NFAT5: variants seen among roughly 807,000 people sequenced by gnomAD.
NFAT5 encodes nuclear factor of activated T-cells 5.
A neutral mutation model predicts 166.5 loss-of-function variants in NFAT5; 31 were observed. The observed-to-expected ratio is 0.19, with a 90% CI of 0.14 to 0.25. The LOEUF is 0.25. Ranked by LOEUF, NFAT5 falls within the 10% of genes least tolerant of loss-of-function variation. NFAT5 has a pLI of 1.00. For synonymous variants in NFAT5, 612 were observed against 639.7 expected, an observed-to-expected ratio of 0.96 and a Z score of 0.65; for missense variants, 1,449 against 1,821.8, an observed-to-expected ratio of 0.80 and a Z score of 3.72.
In NFAT5 at chr16:69,655,816, A is replaced by G; in HGVS notation, c.1196+17A>G. On this transcript the variant is annotated intron_variant, in intron 6 of 14. Transcript: ENST00000349945. ...GACACTGGCGTAAGTACTTAGTAAG[A>G]ATTTTTCATTATACATTACACTCTT... 1 of 1,600,142 alleles carries G rather than the reference A, an allele frequency of 6.2e-7. No individual in the cohort carries two copies. The highest frequency in any genetic ancestry group is 8.5e-7 in the Non-Finnish European group (1 of 1,170,756).
Position 69,697,110 on chromosome 16 carries a change from G to A in NFAT5, c.*759G>A, listed in dbSNP as rs757355549. ...AAGGGGATAATATATGATAAATTAT[G>A]TTCTGATATCCTCCTACAGTAGTTT... On this transcript the variant is annotated 3_prime_UTR_variant, in exon 15 of 15. Transcript: ENST00000349945. 8 of 152,562 alleles carry A rather than the reference G, an allele frequency of 5.2e-5. No homozygotes were observed. The highest frequency in any genetic ancestry group is 1.0e-4 in the Non-Finnish European group (7 of 68,014). 9.5% of individuals were successfully genotyped at this position (152,562 alleles called of 1,614,324 possible).
intron 3 of NFAT5, among the ~76,000 whole-genome samples, chr16:69,639,492 C>T (rs1409936304): frequency 6.6e-6 from 1 of 151,988 alleles, no homozygotes; most frequent in Non-Finnish European, 1.5e-5. Context: ...ATTTGATGAA[C>T]TGGAGAAGAA....
intron 9 of NFAT5, among the ~76,000 whole-genome samples, chr16:69,671,939 G>A (rs754089052): frequency 7.2e-5 from 11 of 152,270 alleles, no homozygotes; most frequent in Admixed American, 4.6e-4. Context: ...CTTCCACAAG[G>A]TTAGAATTGA....
At chr16:69,590,419 G>A (rs868440304) in intron 2 of NFAT5, among the ~76,000 whole-genome samples, 6 of 152,250 alleles carry the variant, frequency 3.9e-5, no homozygotes, top group South Asian at 4.1e-4. Flanking sequence ...GATTTTTTGC[G>A]TAAATGTGAT....
intron 2 of NFAT5, among the ~76,000 whole-genome samples, chr16:69,575,216 A>G (rs978565906): frequency 8.5e-5 from 13 of 152,118 alleles, no homozygotes; most frequent in African/African-American, 2.9e-4. Context: ...TGCTTAGGCT[A>G]GAGTGCAGTG....
chr16:69,594,882 C>G (rs1028522815), intron 2 of NFAT5, among the ~76,000 whole-genome samples: 7 of 152,090 alleles, frequency 4.6e-5, no homozygotes. Context: ...AGTCCAAGTC[C>G]CAAAGCTGAA....
chr16:69,667,924 C>T (rs1325741309), intron 7 of NFAT5, among the ~76,000 whole-genome samples: 1 of 151,954 alleles, frequency 6.6e-6, no homozygotes, highest in Non-Finnish European at 1.5e-5. Context: ...ACACATTTAC[C>T]CTATAGGTTC....
intron 2 of NFAT5, among the ~76,000 whole-genome samples, chr16:69,614,939 C>T (rs950150031): frequency 1.8e-4 from 26 of 144,074 alleles, no homozygotes; most frequent in Non-Finnish European, 2.8e-4. Flanking sequence ...TACAGTGGTA[C>T]GATCTTGGCT....
chr16:69,593,477 ATTTTTTTTTT>A, intron 2 of NFAT5, among the ~76,000 whole-genome samples: 1 of 145,776 alleles, frequency 6.9e-6, no homozygotes, highest in South Asian at 2.2e-4. Flanking sequence ...GGCCCAGCTA[ATTTTTTTTTT>A]TTTTTTAACT....
chr16:69,696,164 T>C (rs1353128885), intron 14 of NFAT5, among the ~76,000 whole-genome samples, 196 bp from the exon 15 acceptor site: 4 of 152,236 alleles, frequency 2.6e-5, no homozygotes, highest in African/African-American at 9.6e-5. Flanking sequence ...CTTTGTACTA[T>C]ATATTGGATA....
chr16:69,681,842 C>T (rs909129492), intron 10 of NFAT5, among the ~76,000 whole-genome samples: 3 of 150,276 alleles, frequency 2.0e-5, no homozygotes, highest in Non-Finnish European at 4.4e-5. Context: ...GGCATGAACC[C>T]GGGAGGCAGA....
chr16:69,633,417 A>T (rs1033099113), intron 3 of NFAT5, among the ~76,000 whole-genome samples: 1 of 152,216 alleles, frequency 6.6e-6, no homozygotes, highest in Admixed American at 6.5e-5. Context: ...TTGAAAATAT[A>T]AGCAAAAAGT....
chr16:69,661,711 A>C (rs1055062800), intron 7 of NFAT5, among the ~76,000 whole-genome samples: 1 of 151,980 alleles, frequency 6.6e-6, no homozygotes, highest in South Asian at 2.1e-4. Context: ...GGTTCGAGTC[A>C]CCTGTAGTGC....
chr16:69,595,626 C>T (rs1209772108), intron 2 of NFAT5, among the ~76,000 whole-genome samples: 3 of 152,134 alleles, frequency 2.0e-5, no homozygotes, highest in Admixed American at 1.3e-4. Context: ...TTCATTCTTT[C>T]GCAGTTTTAC....
intron 1 of NFAT5, among the ~76,000 whole-genome samples, chr16:69,568,114 A>T (rs1319500295): frequency 1.3e-5 from 2 of 152,028 alleles, no homozygotes; most frequent in Admixed American, 6.6e-5. Flanking sequence ...GGAGTTTGAG[A>T]CCAGCCTGAC....
intron 7 of NFAT5, among the ~76,000 whole-genome samples, chr16:69,665,095 A>G (rs190913454): frequency 5.9e-5 from 9 of 152,314 alleles, no homozygotes; most frequent in Admixed American, 3.9e-4. Context: ...TCTTGACTTT[A>G]GTTGTGTTTA....
At chr16:69,604,753 A>G (rs1339870913) in intron 2 of NFAT5, among the ~76,000 whole-genome samples, 1 of 152,134 alleles carries the variant, frequency 6.6e-6, no homozygotes, top group Non-Finnish European at 1.5e-5. Flanking sequence ...AGCCCAACTT[A>G]TGGCATCCAC....
intron 7 of NFAT5, among the ~76,000 whole-genome samples, chr16:69,660,623 T>A (rs928415897): frequency 6.6e-6 from 1 of 152,248 alleles, no homozygotes; most frequent in East Asian, 1.9e-4. Flanking sequence ...TATAGTATAG[T>A]GTTGGGAGTG....
At chr16:69,623,574 C>T (rs954655373) in intron 2 of NFAT5, among the ~76,000 whole-genome samples, 21 of 151,506 alleles carry the variant, frequency 1.4e-4, no homozygotes, top group Non-Finnish European at 2.4e-4. Flanking sequence ...ATGGTGTGAT[C>T]TTGGCTCACT....
Sources: gnomAD v4.1 joint callset for allele counts (sites outside exome capture counted in the v4.1 genomes callset) on GRCh38, gnomAD v4.1.1 for gene constraint, MANE v1.5 for transcripts, NCBI Gene and HGNC (gene_info 2026-07-23, HGNC 2026-07-21) for gene names.